Variants in NR6A1 observed in about 807,000 individuals in gnomAD.
The protein encoded by NR6A1 is retinoic acid receptor-related testis-associated receptor.
A neutral mutation model predicts 59.1 loss-of-function variants in NR6A1; 7 were observed. The observed-to-expected ratio is 0.12, with a 90% CI of 0.07 to 0.22. The LOEUF is 0.22. Ranked by LOEUF, NR6A1 falls within the 10% of genes least tolerant of loss-of-function variation. The pLI, the probability that NR6A1 is intolerant of heterozygous loss-of-function variation, is 1.00. For missense variants in NR6A1, 468 were observed against 611.6 expected, an observed-to-expected ratio of 0.77 and a Z score of 2.48; for synonymous variants, 243 against 236.1, an observed-to-expected ratio of 1.03 and a Z score of -0.27.
chr9:124,572,182 AT>A (rs1206423746), intron 2 of NR6A1, among the ~76,000 whole-genome samples: 1 of 152,216 alleles, frequency 6.6e-6, no homozygotes, highest in Non-Finnish European at 1.5e-5. Context: ...TCTGTGCAAA[AT>A]TTAGGCAGGT....
chr9:124,554,085 T>A (rs1052763086), intron 3 of NR6A1, among the ~76,000 whole-genome samples: 1 of 152,194 alleles, frequency 6.6e-6, no homozygotes, highest in Non-Finnish European at 1.5e-5. Flanking sequence ...ACCTGATTGT[T>A]AAGTGGGTTC....
intron 2 of NR6A1, among the ~76,000 whole-genome samples, chr9:124,721,785 T>C (rs1000604986): frequency 6.6e-6 from 1 of 152,202 alleles, no homozygotes; most frequent in African/African-American, 2.4e-5. Flanking sequence ...ATCATTACAC[T>C]GCCTTAAAGT....
intron 7 of NR6A1, 83 bp from the exon 8 acceptor site, chr9:124,526,983 C>T: frequency 6.5e-7 from 1 of 1,533,714 alleles, no homozygotes; most frequent in Non-Finnish European, 8.9e-7. Context: ...TCCTACAGCT[C>T]CTTAAACAGG....
chr9:124,703,154 C>G (rs1396200939), intron 2 of NR6A1, among the ~76,000 whole-genome samples: 2 of 151,850 alleles, frequency 1.3e-5, no homozygotes. Flanking sequence ...ATCTGCCCAC[C>G]TCAGCCTCCC....
At chr9:124,541,746 C>T (rs1431434923) in intron 4 of NR6A1, among the ~76,000 whole-genome samples, 2 of 152,194 alleles carry the variant, frequency 1.3e-5, no homozygotes, top group African/African-American at 4.8e-5. Context: ...TTCACTGCAG[C>T]ATTATTCAAA....
chr9:124,585,040 T>C (rs186579714), intron 2 of NR6A1, among the ~76,000 whole-genome samples: 2 of 152,324 alleles, frequency 1.3e-5, no homozygotes, highest in East Asian at 3.9e-4. Flanking sequence ...TTTAGTAGTC[T>C]GGATAGAAAG....
At chr9:124,704,288 C>T (rs1459034432) in intron 2 of NR6A1, among the ~76,000 whole-genome samples, 3 of 152,116 alleles carry the variant, frequency 2.0e-5, no homozygotes, top group South Asian at 2.1e-4. Flanking sequence ...TCAAATTTGT[C>T]GATCTTTTCA....
At chr9:124,554,299 GGGC>G (rs1244450596) in intron 3 of NR6A1, 26 bp downstream of exon 3, 1 of 1,613,646 alleles carries the variant, frequency 6.2e-7, no homozygotes, top group Non-Finnish European at 8.5e-7. Context: ...AATGAAGGAT[GGGC>G]CATCAGAGCC....
intron 3 of NR6A1, among the ~76,000 whole-genome samples, chr9:124,544,884 A>C (rs1833552543): frequency 1.3e-5 from 2 of 152,224 alleles, no homozygotes; most frequent in South Asian, 4.1e-4. Flanking sequence ...ATTTTTAAAA[A>C]ATCTTTCTGA....
intron 3 of NR6A1, among the ~76,000 whole-genome samples, chr9:124,547,777 C>A (rs888689987): frequency 6.6e-6 from 1 of 151,994 alleles, no homozygotes; most frequent in Non-Finnish European, 1.5e-5. Context: ...GCTTCAAAAT[C>A]GACAATGTTA....
At chr9:124,741,288 G>T (rs769809023) in intron 1 of NR6A1, among the ~76,000 whole-genome samples, 1 of 152,000 alleles carries the variant, frequency 6.6e-6, no homozygotes, top group Non-Finnish European at 1.5e-5. Context: ...GGATATACAT[G>T]CTTAAAAAAA....
intron 2 of NR6A1, among the ~76,000 whole-genome samples, chr9:124,614,014 G>A (rs1356856172): frequency 1.3e-5 from 2 of 152,098 alleles, no homozygotes; most frequent in South Asian, 2.1e-4. Flanking sequence ...CAGAGAAAGA[G>A]GAAACAAATA....
At chr9:124,677,193 T>C (rs1837992295) in intron 2 of NR6A1, among the ~76,000 whole-genome samples, 1 of 152,316 alleles carries the variant, frequency 6.6e-6, no homozygotes, top group African/African-American at 2.4e-5. Context: ...TCATGAAATA[T>C]TTCAAATTTT....
At chr9:124,739,803 A>G (rs1840124184) in intron 1 of NR6A1, among the ~76,000 whole-genome samples, 1 of 152,252 alleles carries the variant, frequency 6.6e-6, no homozygotes, top group Non-Finnish European at 1.5e-5. Flanking sequence ...TTAAGGTGTG[A>G]AACACTAGCT....
At chr9:124,579,721 T>G (rs1195210933) in intron 2 of NR6A1, among the ~76,000 whole-genome samples, 2 of 152,142 alleles carry the variant, frequency 1.3e-5, no homozygotes, top group African/African-American at 4.8e-5. Flanking sequence ...TCTTATAAAA[T>G]TAAACATAGC....
chr9:124,765,031 T>A (rs1476077202), intron 1 of NR6A1, among the ~76,000 whole-genome samples: 1 of 152,232 alleles, frequency 6.6e-6, no homozygotes, highest in Non-Finnish European at 1.5e-5. Context: ...ATAGCTTCTC[T>A]GGTGTAAACA....
chr9:124,606,115 C>G (rs1330749891), intron 2 of NR6A1, among the ~76,000 whole-genome samples: 1 of 152,214 alleles, frequency 6.6e-6, no homozygotes, highest in Non-Finnish European at 1.5e-5. Context: ...TCTCCCTTCT[C>G]ATATTCCCAA....
intron 2 of NR6A1, among the ~76,000 whole-genome samples, chr9:124,710,491 T>C (rs1400929348): frequency 6.6e-6 from 1 of 152,194 alleles, no homozygotes; most frequent in African/African-American, 2.4e-5. Context: ...CAAAGGTTCA[T>C]TGCAATGAGC....
At chr9:124,589,610 A>C (rs1278182386) in intron 2 of NR6A1, among the ~76,000 whole-genome samples, 1 of 152,200 alleles carries the variant, frequency 6.6e-6, no homozygotes, top group East Asian at 1.9e-4. Context: ...TTCCACACTG[A>C]CTTGTGCACA....
Sources: allele counts gnomAD v4.1 joint callset (sites outside exome capture counted in the v4.1 genomes callset), GRCh38; gene constraint gnomAD v4.1.1; transcripts MANE v1.5; gene names NCBI Gene and HGNC (gene_info 2026-07-23, HGNC 2026-07-21).